TSC1: variants seen among roughly 807,000 people sequenced by gnomAD.
The protein encoded by TSC1 is TSC complex subunit 1.
A neutral mutation model predicts 124.3 loss-of-function variants in TSC1; 20 were observed. The ratio of observed to expected loss-of-function variants is 0.16; its 90% CI spans 0.11 to 0.23. The LOEUF (loss-of-function observed/expected upper bound fraction) is 0.23. Among genes scored for constraint, TSC1 ranks in the 10% least tolerant of loss-of-function variants. The pLI is 1.00. For synonymous variants in TSC1, 493 were observed against 539.1 expected (o/e 0.91, Z 1.19); for missense variants, 1,124 against 1,448.5 (o/e 0.78, Z 3.64).
At chr9:132,926,556 G>A (rs1846871929) in intron 4 of TSC1, 1 of 154,776 alleles carries the variant, frequency 6.5e-6, no homozygotes, top group South Asian at 2.0e-4. Flanking sequence ...CTTTGTACTT[G>A]AAGCTTTTCC....
rs886063624 is a variant in TSC1 at position 132,927,303 on chromosome 9, G to A, written c.108C>T (p.Asp36=). The A allele has an allele frequency of 6.2e-7, 1 of 1,613,464 alleles. No homozygotes were observed. Among genetic ancestry groups the A allele is most frequent in the South Asian group, 1.1e-5 (1 of 90,886 alleles). The change falls in exon 4 of 23, where the codon GAC becomes GAT. Residue 36 remains aspartate, a splice_region_variant and synonymous_variant. Coordinates refer to ENST00000298552, the MANE Select transcript of TSC1 (RefSeq NM_000368.5). The part of the protein sequence containing the change: ...TAVFKENLNS[D]RGPMLVNTLV... ...AGGTGTTTACAAGCATAGGGCCACG[G>A]TCTAAATCAAGAAAAGGGCAATGGA...
In TSC1 at chr9:132,906,453, G is replaced by A; in HGVS notation, c.1438+278C>T. On this transcript the variant is annotated intron_variant, in intron 14 of 22. Coordinates refer to ENST00000298552, the MANE Select transcript of TSC1 (RefSeq NM_000368.5). The surrounding 1 kb of genome is among the most constrained non-coding windows in gnomAD (Gnocchi z 4.1). The stretch of plus-strand genomic sequence containing the variant: ...GGTCCCAGCTACTCAGGAGGCTGAG[G>A]TGGGCGGATTGCTTGAGCCTGGGAG... The A allele has an allele frequency of 3.8e-6, 2 of 529,862 alleles. No homozygotes were observed. Among genetic ancestry groups the A allele is most frequent in the Non-Finnish European group, 6.7e-6 (2 of 296,316 alleles). The allele number at this position is 529,862 out of a possible 1,614,324, so 32.8% of individuals were successfully genotyped here. A position where few individuals can be genotyped will look rare whatever the true frequency, so the allele number is the denominator to read the frequency against.
At position 132,912,309 on chromosome 9, in the gene TSC1, G is replaced by A. The variant is rs750890263; in HGVS notation, c.886C>T (p.Pro296Ser). 1 of 1,614,134 alleles carries A rather than the reference G, an allele frequency of 6.2e-7. No homozygotes were observed. The highest frequency in any genetic ancestry group is 8.5e-7 in the Non-Finnish European group (1 of 1,180,032). Residue 296 changes from proline (P) to serine (S), a missense_variant, in exon 9 of 23, where the codon CCT (proline) becomes TCT (serine). This residue lies in a region of TSC1 where 463 missense variants were observed against 606.8 expected (regional missense o/e 0.76). Coordinates refer to ENST00000298552, the MANE Select transcript of TSC1 (RefSeq NM_000368.5). ...PHRSADVTTS[P>S]YADTQNSYGC... Reference sequence around the variant, plus strand: ...TAGCTATTCTGTGTGTCAGCATAAGGGCTGGTGGTGACATCGGCTGAACGA... The same window carrying A: ...TAGCTATTCTGTGTGTCAGCATAAGAGCTGGTGGTGACATCGGCTGAACGA...
rs769126445 is a variant in TSC1 at position 132,921,997 on chromosome 9, G to C, written c.509-24C>G. ...GCCTAGAAAAGGAACCCGTTGAGAA[G>C]AGCCTCTTAGTTGGAGACAGATTGA... On this transcript the variant is annotated intron_variant, in intron 6 of 22. Coordinates refer to ENST00000298552, the MANE Select transcript of TSC1 (RefSeq NM_000368.5). The surrounding 1 kb of genome is among the most constrained non-coding windows in gnomAD (Gnocchi z 4.3). 2 of 1,613,928 alleles carry C rather than the reference G, an allele frequency of 1.2e-6. No homozygotes were observed. Among genetic ancestry groups the C allele is most frequent in the East Asian group, 2.2e-5 (1 of 44,882 alleles).
At chr9:132,939,515 G>A (rs571270121) in intron 1 of TSC1, among the ~76,000 whole-genome samples, 26 of 152,192 alleles carry the variant, frequency 1.7e-4, no homozygotes, top group Non-Finnish European at 3.5e-4. Flanking sequence ...TATCCCAAAG[G>A]TGAAGAATCT....
intron 4 of TSC1, chr9:132,926,503 C>A (rs758694403): frequency 1.3e-5 from 2 of 154,214 alleles, no homozygotes; most frequent in Non-Finnish European, 2.9e-5. Flanking sequence ...CCTCCAAGTG[C>A]CGGGTGCTAG....
rs368016548 is a variant in TSC1, at chr9:132,905,650, G to C, written c.1928C>G (p.Thr643Ser). 6.2e-7 allele frequency: 1 copy of C among 1,614,198 alleles called. No individual in the cohort carries two copies. Among genetic ancestry groups the C allele is most frequent in the Non-Finnish European group, 8.5e-7 (1 of 1,180,032 alleles). Residue 643 changes from threonine to serine, a missense_variant, in exon 15 of 23, where the codon ACC becomes AGC. Thr to Ser is a moderately conservative substitution (Grantham distance 58). Around this residue, in one of 5 missense-constraint regions of TSC1, gnomAD observed 321 missense variants for 397.4 expected, o/e 0.81. Coordinates refer to ENST00000298552, the MANE Select transcript of TSC1 (RefSeq NM_000368.5). ...TCTGTCCAGCACTTCCATTGGGGAG[G>C]TAGAGGGCACACCATCTTCCTCTGT... Reference protein sequence around the residue: ...GNTEEDGVPSTSPMEVLDRLI... With the variant: ...GNTEEDGVPSSSPMEVLDRLI...
rs142371357 is a variant in TSC1, at chr9:132,911,309, TTC to T, written c.1029+142_1029+143del. ...ATGAATCTAAGAGGCAACAGTAACT[TTC>T]TTTGCTAATATCATGGATCCTTAAA... On this transcript the variant is annotated intron_variant, in intron 10 of 22. Transcript: ENST00000298552. The T allele has an allele frequency of 3.5e-4, 290 of 838,264 alleles. 2 individuals carry two copies. In the African/African-American group the frequency reaches 4.4e-3, roughly 13 times the overall value. 51.9% of individuals were successfully genotyped at this position (838,264 alleles called of 1,614,324 possible).
intron 15 of TSC1, among the ~76,000 whole-genome samples, chr9:132,904,787 G>A (rs1037972036): frequency 6.6e-6 from 1 of 152,218 alleles, no homozygotes; most frequent in African/African-American, 2.4e-5. Flanking sequence ...GAGAAACTGA[G>A]TAGTCAAACA....
intron 1 of TSC1, chr9:132,940,766 T>C (rs1847693989): frequency 6.6e-6 from 1 of 152,206 alleles, no homozygotes; most frequent in Admixed American, 6.5e-5. Flanking sequence ...ATTATAACAA[T>C]ATTACTACTT....
intron 20 of TSC1, 114 bp from the exon 21 acceptor site, chr9:132,897,724 T>C: frequency 7.2e-7 from 1 of 1,380,348 alleles, no homozygotes; most frequent in Non-Finnish European, 9.8e-7. Flanking sequence ...AGTATACTGA[T>C]AACAGAAATA....
intron 15 of TSC1, 72 bp from the exon 16 acceptor site, chr9:132,904,526 G>T: frequency 6.8e-7 from 1 of 1,474,682 alleles, no homozygotes; most frequent in Non-Finnish European, 9.5e-7. Flanking sequence ...ACTTTTATTT[G>T]CAGCAAAGTT....
rs112116167 is a variant in TSC1 at position 132,898,184 on chromosome 9, A to G, written c.2626-574T>C. On this transcript the variant is annotated intron_variant, in intron 20 of 22. Coordinates refer to ENST00000298552, the MANE Select transcript of TSC1 (RefSeq NM_000368.5). ...GGTGAGGCTACAGAATGGAATGCCA[A>G]TGGAGCAGGTCTGCTCAAGCAAAGC... is the stretch of plus-strand genomic sequence containing the variant. 4.1e-3 allele frequency among the ~76,000 whole-genome samples: 630 copies of G among 152,350 alleles called. 4 individuals are homozygous for G. The highest frequency in any genetic ancestry group is 0.014 in the African/African-American group (593 of 41,582).
At chr9:132,934,163 A>G (rs999218016) in intron 2 of TSC1, among the ~76,000 whole-genome samples, 1 of 152,134 alleles carries the variant, frequency 6.6e-6, no homozygotes, top group African/African-American at 2.4e-5. Flanking sequence ...GGCATGAGTC[A>G]CAGAGCTGTC....
At chr9:132,931,340 G>A (rs1462962776) in intron 2 of TSC1, 1 of 152,090 alleles carries the variant, frequency 6.6e-6, no homozygotes, top group Admixed American at 6.5e-5. Flanking sequence ...AACAAAGATG[G>A]CGCCCATCCA....
chr9:132,944,238 C>T (rs1847925983), intron 1 of TSC1, among the ~76,000 whole-genome samples: 1 of 152,168 alleles, frequency 6.6e-6, no homozygotes, highest in African/African-American at 2.4e-5. Flanking sequence ...AGGGGCCCAC[C>T]TCGCCCCTGC....
chr9:132,921,558 C>T lies in TSC1; in HGVS notation c.664-122G>A. On this transcript the variant is annotated intron_variant, in intron 7 of 22. Coordinates refer to ENST00000298552, the MANE Select transcript of TSC1 (RefSeq NM_000368.5). The surrounding 1 kb of genome is among the most constrained non-coding windows in gnomAD (Gnocchi z 4.3). ...GATACATGTTATAACACAGATGGAA[C>T]CTTGAGAACATTATACTGAGTGAAA... The T allele has an allele frequency of 8.4e-7, 1 of 1,193,458 alleles. No homozygotes were observed. The highest frequency in any genetic ancestry group is 1.2e-6 in the Non-Finnish European group (1 of 814,290). The allele number at this position is 1,193,458 out of a possible 1,614,324, so 73.9% of individuals were successfully genotyped here. A position where few individuals can be genotyped will look rare whatever the true frequency, so the allele number is the denominator to read the frequency against.
rs1845142584 is a variant in TSC1, at chr9:132,897,506, C to T, written c.2730G>A (p.Leu910=). 6.2e-7 allele frequency: 1 copy of T among 1,611,058 alleles called. No homozygotes were observed. Among genetic ancestry groups the T allele is most frequent in the Non-Finnish European group, 8.5e-7 (1 of 1,179,004 alleles). The change falls in exon 21 of 23, where the codon TTG becomes TTA. Residue 910 remains leucine, a synonymous_variant. Coordinates refer to ENST00000298552, the MANE Select transcript of TSC1 (RefSeq NM_000368.5). The part of the protein sequence containing the change: ...QRLDTSQKRI[L]ELESHLAKKD... ...TCTTGGCCAGGTGAGATTCCAGTTC[C>T]AAAATCCGTTTTTGGGAGGTATCAA...
intron 1 of TSC1, chr9:132,941,585 A>T (rs1214657480): frequency 3.3e-5 from 5 of 152,236 alleles, no homozygotes; most frequent in African/African-American, 1.2e-4. Flanking sequence ...TATTAAGTAC[A>T]CTTTTCTTTC....
Sources: gnomAD v4.1 joint callset for allele counts (sites outside exome capture counted in the v4.1 genomes callset) on GRCh38, gnomAD v4.1.1 for gene constraint, gnomAD v4.1.1 regional missense constraint, Gnocchi (gnomAD v3.1) non-coding constraint, MANE v1.5 for transcripts, NCBI Gene and HGNC (gene_info 2026-07-23, HGNC 2026-07-21) for gene names.